RCOR1: variants seen among roughly 807,000 people sequenced by gnomAD.
The protein encoded by RCOR1 is REST corepressor.
RCOR1 carries 12 observed loss-of-function variants against 64.0 expected under a neutral mutation model. That is an observed-to-expected ratio of 0.19 (90% CI 0.12 to 0.30). The LOEUF (loss-of-function observed/expected upper bound fraction) is 0.30, where lower values mean the gene tolerates loss of function less well. Ranked by LOEUF, RCOR1 falls within the 10% of genes least tolerant of loss-of-function variation. The pLI, the probability that RCOR1 is intolerant of heterozygous loss-of-function variation, is 1.00. For synonymous variants in RCOR1, 279 were observed against 227.2 expected (o/e 1.23, Z -2.05); for missense variants, 502 against 621.2 (o/e 0.81, Z 2.04).
At chr14:102,698,911 A>G (rs1895698723) in intron 3 of RCOR1, among the ~76,000 whole-genome samples, 1 of 149,052 alleles carries the variant, frequency 6.7e-6, no homozygotes, top group African/African-American at 2.5e-5. Flanking sequence ...CTTTGGAGTA[A>G]TTCCCTGCCC....
intron 2 of RCOR1, among the ~76,000 whole-genome samples, chr14:102,654,593 G>T (rs1024477636): frequency 6.6e-6 from 1 of 151,944 alleles, no homozygotes; most frequent in African/African-American, 2.4e-5. Flanking sequence ...GAGGCCAGGC[G>T]CACTAGCTGA....
At chr14:102,721,444 ATTT>A in intron 10 of RCOR1, 67 bp downstream of exon 10, 1 of 1,208,330 alleles carries the variant, frequency 8.3e-7, no homozygotes, top group Non-Finnish European at 1.2e-6. Flanking sequence ...TAATCCCAAC[ATTT>A]TGGAAGGTTG....
intron 2 of RCOR1, chr14:102,655,937 A>T (rs763767380): frequency 1.7e-5 from 15 of 888,598 alleles, no homozygotes; most frequent in African/African-American, 3.9e-5. Flanking sequence ...TGGGCAACAG[A>T]GTGAGACTTT....
At chr14:102,612,013 C>A (rs959083166) in intron 2 of RCOR1, among the ~76,000 whole-genome samples, 1 of 152,096 alleles carries the variant, frequency 6.6e-6, no homozygotes, top group South Asian at 2.1e-4. Flanking sequence ...CTGTGTTGCC[C>A]AGGCTGGCCT....
intron 2 of RCOR1, among the ~76,000 whole-genome samples, chr14:102,595,913 G>T (rs1443199219): frequency 6.6e-6 from 1 of 151,940 alleles, no homozygotes; most frequent in African/African-American, 2.4e-5. Context: ...TTTTAATCTG[G>T]AAAGGAATCT....
At chr14:102,700,847 G>A (rs1241375203) in intron 3 of RCOR1, among the ~76,000 whole-genome samples, 4 of 152,148 alleles carry the variant, frequency 2.6e-5, no homozygotes, top group Non-Finnish European at 4.4e-5. Flanking sequence ...TATGCTGTTG[G>A]TAAAGACATA....
chr14:102,594,833 A>G (rs1187744383), intron 2 of RCOR1, among the ~76,000 whole-genome samples: 1 of 152,168 alleles, frequency 6.6e-6, no homozygotes, highest in East Asian at 1.9e-4. Flanking sequence ...GGTCAAGTCT[A>G]TCTTTGCTTT....
chr14:102,653,963 CTTTCTTTCTTTCTTTCTTTCTTTTTT>C, intron 2 of RCOR1, among the ~76,000 whole-genome samples: 1 of 43,696 alleles, frequency 2.3e-5, no homozygotes, highest in Admixed American at 2.4e-4. Flanking sequence ...TTCTTTCTTT[CTTTCTTTCTTTCTTTCTTTCTTTTTT>C]TTTTTTTTTT....
At chr14:102,594,676 T>A (rs80285761) in intron 2 of RCOR1, among the ~76,000 whole-genome samples, 1 of 151,930 alleles carries the variant, frequency 6.6e-6, no homozygotes, top group African/African-American at 2.4e-5. Context: ...TTTTTTTTTT[T>A]GGTAGTCACT....
intron 3 of RCOR1, among the ~76,000 whole-genome samples, chr14:102,696,808 C>CTTTTTTTTTT (rs71305075): frequency 5.2e-5 from 3 of 57,406 alleles, no homozygotes; most frequent in African/African-American, 7.4e-5. Context: ...ATCTGCTTAT[C>CTTTTTTTTTT]TTTTTTTTTT....
intron 2 of RCOR1, among the ~76,000 whole-genome samples, chr14:102,606,320 C>T (rs547094522): frequency 6.6e-6 from 1 of 152,060 alleles, no homozygotes; most frequent in Non-Finnish European, 1.5e-5. Flanking sequence ...TCTTGGCCTC[C>T]CACAGTGCTG....
intron 2 of RCOR1, among the ~76,000 whole-genome samples, chr14:102,634,618 ATGTG>A (rs562922082): frequency 5.3e-4 from 79 of 150,424 alleles, no homozygotes; most frequent in Non-Finnish European, 1.2e-4. Flanking sequence ...GTGTGTATGT[ATGTG>A]TGTGTGTATG....
chr14:102,700,938 C>T (rs1476582550), intron 3 of RCOR1, among the ~76,000 whole-genome samples: 5 of 152,184 alleles, frequency 3.3e-5, no homozygotes, highest in South Asian at 2.1e-4. Context: ...TGGTAGAAAG[C>T]GAGGAGGAGC....
chr14:102,711,420 T>G (rs1895955103), intron 7 of RCOR1, among the ~76,000 whole-genome samples: 1 of 152,234 alleles, frequency 6.6e-6, no homozygotes, highest in South Asian at 2.1e-4. Flanking sequence ...TGCAGGGAGC[T>G]GGCAGGGACT....
intron 2 of RCOR1, among the ~76,000 whole-genome samples, chr14:102,593,548 C>G (rs916473327): frequency 6.6e-6 from 1 of 152,220 alleles, no homozygotes; most frequent in African/African-American, 2.4e-5. Flanking sequence ...CCAGCAGGGC[C>G]GGCGCCGCTG....
At chr14:102,637,012 G>A (rs570476363) in intron 2 of RCOR1, among the ~76,000 whole-genome samples, 46 of 152,010 alleles carry the variant, frequency 3.0e-4, no homozygotes, top group Non-Finnish European at 6.0e-4. Flanking sequence ...TTTGCATATT[G>A]AAGGAACTTA....
intron 2 of RCOR1, among the ~76,000 whole-genome samples, chr14:102,636,468 A>T (rs1894240007): frequency 6.6e-6 from 1 of 151,688 alleles, no homozygotes; most frequent in African/African-American, 2.4e-5. Context: ...TTTACTAGAG[A>T]TAGGGTTTCA....
intron 2 of RCOR1, among the ~76,000 whole-genome samples, chr14:102,673,537 G>A (rs1215918928): frequency 3.3e-5 from 5 of 151,656 alleles, no homozygotes; most frequent in South Asian, 2.1e-4. Context: ...GGGTTTCACT[G>A]TGTTAGCCAG....
At chr14:102,714,299 G>A (rs1896019843) in intron 7 of RCOR1, 124 bp from the exon 8 acceptor site, 2 of 573,242 alleles carry the variant, frequency 3.5e-6, no homozygotes, top group African/African-American at 1.9e-5. Flanking sequence ...GATCTCATTT[G>A]GTTCTGATAG....
Sources: allele counts gnomAD v4.1 joint callset (sites outside exome capture counted in the v4.1 genomes callset), GRCh38; gene constraint gnomAD v4.1.1; transcripts MANE v1.5; gene names NCBI Gene and HGNC (gene_info 2026-07-23, HGNC 2026-07-21).